WDFY3: variants seen among roughly 807,000 people sequenced by gnomAD.
The protein encoded by WDFY3 is WD repeat and FYVE domain containing 3.
A neutral mutation model predicts 409.6 loss-of-function variants in WDFY3; 66 were observed. The ratio of observed to expected loss-of-function variants is 0.16; its 90% CI spans 0.13 to 0.20. The LOEUF (loss-of-function observed/expected upper bound fraction) is 0.20. Ranked by LOEUF, WDFY3 falls within the 10% of genes least tolerant of loss-of-function variation. The pLI is 1.00. For missense variants in WDFY3, 3,031 were observed against 4,298.1 expected (o/e 0.71, Z 8.24); for synonymous variants, 1,521 against 1,537.1 (o/e 0.99, Z 0.25).
intron 64 of WDFY3, among the ~76,000 whole-genome samples, chr4:84,681,875 A>G (rs1236034765): frequency 6.6e-6 from 1 of 152,244 alleles, no homozygotes; most frequent in East Asian, 1.9e-4. Context: ...ATAATGGACT[A>G]TAGGTAACCA....
chr4:84,789,915 A>G lies in WDFY3; in HGVS notation c.3488-8T>C, dbSNP rs751745285. ...CTTCACTAAAATCATCAACTGAAAT[A>G]AAGGGGGGAAGACATAAAAACTTTT... On this transcript the variant is annotated splice_region_variant and splice_polypyrimidine_tract_variant and intron_variant, in intron 21 of 67. Transcript: ENST00000295888. 1.5e-5 allele frequency: 24 copies of G among 1,613,860 alleles called. No individual in the cohort carries two copies. The South Asian group carries it at 2.4e-4, about 16-fold the overall frequency.
intron 7 of WDFY3, among the ~76,000 whole-genome samples, chr4:84,834,450 C>A (rs769747888): frequency 1.6e-4 from 24 of 151,752 alleles, no homozygotes; most frequent in Admixed American, 1.4e-3. Flanking sequence ...AGTTCGAGAC[C>A]AACCTGGCCA....
At chr4:84,778,361 A>T in intron 27 of WDFY3, 142 bp downstream of exon 27, 1 of 800,322 alleles carries the variant, frequency 1.2e-6, no homozygotes, top group Non-Finnish European at 1.8e-6. Flanking sequence ...TCTACTTTTT[A>T]TATTTTACTA....
chr4:84,772,557 G>A (rs1397676077), intron 30 of WDFY3, among the ~76,000 whole-genome samples: 1 of 152,046 alleles, frequency 6.6e-6, no homozygotes, highest in African/African-American at 2.4e-5. Context: ...CACAGGAAGA[G>A]TTTGCTATTT....
At chr4:84,818,299 T>C (rs1053091990) in intron 12 of WDFY3, among the ~76,000 whole-genome samples, 2 of 152,132 alleles carry the variant, frequency 1.3e-5, no homozygotes, top group African/African-American at 4.8e-5. Context: ...CATCCTCCAG[T>C]ATTAAAAAAA....
chr4:84,828,156 T>C (rs932833633), intron 9 of WDFY3, among the ~76,000 whole-genome samples: 3 of 152,102 alleles, frequency 2.0e-5, no homozygotes, highest in Admixed American at 6.5e-5. Flanking sequence ...TGTCTTATAA[T>C]AGATCAAATG....
At chr4:84,897,263 G>A (rs182977342) in intron 2 of WDFY3, among the ~76,000 whole-genome samples, 126 of 152,270 alleles carry the variant, frequency 8.3e-4, no homozygotes, top group African/African-American at 2.8e-3. Flanking sequence ...ATGTGCATCC[G>A]GGGTTGAGAA....
intron 58 of WDFY3, among the ~76,000 whole-genome samples, chr4:84,695,543 G>A (rs921039314): frequency 6.6e-6 from 1 of 150,998 alleles, no homozygotes; most frequent in Admixed American, 6.6e-5. Context: ...GAGAGAGAGA[G>A]AGAGAGAGAG....
chr4:84,857,436 C>T (rs1391778958), intron 4 of WDFY3, among the ~76,000 whole-genome samples: 1 of 152,168 alleles, frequency 6.6e-6, no homozygotes, highest in Non-Finnish European at 1.5e-5. Flanking sequence ...AACAATTCCC[C>T]TAACTGCTCT....
chr4:84,724,331 G>C (rs1443502052), intron 46 of WDFY3, 95 bp downstream of exon 46: 1 of 1,371,832 alleles, frequency 7.3e-7, no homozygotes, highest in Non-Finnish European at 9.9e-7. Context: ...TTTAAAGTTG[G>C]CCCTACTATT....
At chr4:84,892,645 T>G (rs1765107700) in intron 3 of WDFY3, among the ~76,000 whole-genome samples, 1 of 152,216 alleles carries the variant, frequency 6.6e-6, no homozygotes, top group South Asian at 2.1e-4. Flanking sequence ...TATTGTTTGC[T>G]GAATAATTTA....
At chr4:84,850,726 C>T (rs967530300) in intron 4 of WDFY3, among the ~76,000 whole-genome samples, 1 of 152,002 alleles carries the variant, frequency 6.6e-6, no homozygotes, top group Admixed American at 6.5e-5. Context: ...TGCTAAATCC[C>T]AGGCTGACGT....
intron 32 of WDFY3, among the ~76,000 whole-genome samples, chr4:84,764,290 G>A (rs1216090452): frequency 6.6e-6 from 1 of 152,088 alleles, no homozygotes; most frequent in African/African-American, 2.4e-5. Flanking sequence ...GTATTATTAA[G>A]GCCAATAAAC....
intron 2 of WDFY3, among the ~76,000 whole-genome samples, chr4:84,932,037 T>C (rs886879492): frequency 7.9e-5 from 12 of 152,264 alleles, no homozygotes; most frequent in Non-Finnish European, 1.6e-4. Flanking sequence ...AAAGCCAAAA[T>C]TGAAACTGAA....
intron 32 of WDFY3, 125 bp from the exon 33 acceptor site, chr4:84,757,286 G>T: frequency 1.2e-6 from 1 of 805,916 alleles, no homozygotes; most frequent in Non-Finnish European, 2.0e-6. Flanking sequence ...ACTACTATAG[G>T]CAATTAAGTA....
chr4:84,802,259 T>TC (rs970663258), intron 16 of WDFY3, among the ~76,000 whole-genome samples: 1 of 151,220 alleles, frequency 6.6e-6, no homozygotes, highest in African/African-American at 2.4e-5. Context: ...AGCATACTTT[T>TC]TTTTTTTTTT....
chr4:84,887,558 C>T (rs922752197), intron 3 of WDFY3, among the ~76,000 whole-genome samples: 2 of 152,092 alleles, frequency 1.3e-5, no homozygotes, highest in Non-Finnish European at 2.9e-5. Context: ...TGTCAGTTTT[C>T]GTCCAGGAAA....
rs1300492379 is a variant in WDFY3 at position 84,796,683 on chromosome 4, T to C, written c.3005A>G (p.Tyr1002Cys). The C allele has an allele frequency of 1.9e-6, 3 of 1,614,164 alleles. No individual in the cohort carries two copies. Among genetic ancestry groups the C allele is most frequent in the East Asian group, 4.5e-5 (2 of 44,880 alleles). Residue 1002 changes from tyrosine (Y) to cysteine (C), a missense_variant, in exon 19 of 68, where the codon TAC becomes TGC. This residue lies in a region of WDFY3 where 1,322 missense variants were observed against 1,697.9 expected (regional missense o/e 0.78). Transcript: ENST00000295888. ...TTTTACCAGGCTCTTGCTTATCCGG[T>C]AATGGTTATCTTCATGTAAGCTAAA... Reference protein sequence around the residue: ...NVFSLHEDNHYRISKSLVKSA... With the variant: ...NVFSLHEDNHCRISKSLVKSA...
chr4:84,771,119 T>C (rs1035514850), intron 30 of WDFY3, among the ~76,000 whole-genome samples: 1 of 152,130 alleles, frequency 6.6e-6, no homozygotes, highest in African/African-American at 2.4e-5. Context: ...GGAAACCAGA[T>C]AAATATTTTT....
Sources: gnomAD v4.1 joint callset for allele counts (sites outside exome capture counted in the v4.1 genomes callset) on GRCh38, gnomAD v4.1.1 for gene constraint, gnomAD v4.1.1 regional missense constraint, MANE v1.5 for transcripts, NCBI Gene and HGNC (gene_info 2026-07-23, HGNC 2026-07-21) for gene names.